The following GLI2 variants were observed in gnomAD, a reference collection of about 807,000 sequenced individuals.
GLI2 encodes GLI family zinc finger 2.
In GLI2, 22 loss-of-function variants were observed where a neutral mutation model predicts 78.9. The ratio of observed to expected loss-of-function variants is 0.28; its 90% CI spans 0.20 to 0.40. GLI2 has a LOEUF of 0.40. Ranked by LOEUF, GLI2 falls within the 10% of genes least tolerant of loss-of-function variation. The pLI, the probability that GLI2 is intolerant of heterozygous loss-of-function variation, is 1.00. For synonymous variants in GLI2, 974 were observed against 963.7 expected (o/e 1.01, Z -0.20); for missense variants, 2,097 against 2,213.2 (o/e 0.95, Z 1.05).
At chr2:120,754,246 A>G (rs1330977269) in intron 1 of GLI2, among the ~76,000 whole-genome samples, 3 of 152,204 alleles carry the variant, frequency 2.0e-5, no homozygotes, top group Admixed American at 2.0e-4. Context: ...ATCAACAGGG[A>G]GTGTTATCAA....
At chr2:120,951,158 C>T (rs1193277719) in intron 3 of GLI2, 85 bp from the exon 4 acceptor site, 2 of 809,206 alleles carry the variant, frequency 2.5e-6, no homozygotes, top group African/African-American at 1.7e-5. Flanking sequence ...CCAGGAGAGA[C>T]AAGGACTGTC....
At chr2:120,864,695 C>T (rs560079690) in intron 2 of GLI2, among the ~76,000 whole-genome samples, 3 of 152,326 alleles carry the variant, frequency 2.0e-5, no homozygotes, top group African/African-American at 7.2e-5. Context: ...AATCCACCCA[C>T]GTTGGCCTCC....
chr2:120,968,973 G>A (rs1682003706), intron 6 of GLI2, 58 bp downstream of exon 6: 1 of 1,372,786 alleles, frequency 7.3e-7, no homozygotes, highest in Non-Finnish European at 1.0e-6. Flanking sequence ...GGGCCCGGTG[G>A]GGAGGCGCTG....
In GLI2 at chr2:120,989,207, G is replaced by A. The variant is rs750745447; in HGVS notation, c.3242G>A (p.Arg1081Lys). The A allele has an allele frequency of 6.2e-7, 1 of 1,613,222 alleles. No individual in the cohort carries two copies. Among genetic ancestry groups the A allele is most frequent in the South Asian group, 1.1e-5 (1 of 91,088 alleles). ...TESTGFSDNPRLPSPGLHGQR... is the reference protein window; with the variant it reads ...TESTGFSDNPKLPSPGLHGQR... ...AGCACTGGCTTCTCTGACAACCCCA[G>A]ACTACCCAGCCCGGGGCTGCACGGC... The change falls in exon 14 of 14, where the codon AGA becomes AAA. Residue 1081 changes from arginine to lysine, a missense_variant. Arg to Lys is a conservative substitution (Grantham distance 26). Transcript: ENST00000361492.
chr2:120,932,189 A>C (rs1470693650), intron 3 of GLI2, among the ~76,000 whole-genome samples: 1 of 152,196 alleles, frequency 6.6e-6, no homozygotes, highest in African/African-American at 2.4e-5. Context: ...CCCTGCCAGC[A>C]CCAAATGTGT....
intron 2 of GLI2, among the ~76,000 whole-genome samples, chr2:120,848,363 C>A (rs1197352953): frequency 6.6e-6 from 1 of 152,186 alleles, no homozygotes; most frequent in Non-Finnish European, 1.5e-5. Flanking sequence ...TCTTATCACA[C>A]CAGGAGACCG....
chr2:120,743,468 A>AAT (rs1682612005), intron 1 of GLI2, among the ~76,000 whole-genome samples: 2 of 152,140 alleles, frequency 1.3e-5, no homozygotes, highest in South Asian at 4.1e-4. Flanking sequence ...AAAAGAAATC[A>AAT]TCTTAAGAGC....
chr2:120,750,556 G>T (rs901374900), intron 1 of GLI2, among the ~76,000 whole-genome samples: 1 of 152,222 alleles, frequency 6.6e-6, no homozygotes, highest in Non-Finnish European at 1.5e-5. Context: ...ATTACCTGGC[G>T]CATAGTAAGC....
chr2:120,828,355 C>T (rs1345881760), intron 2 of GLI2, among the ~76,000 whole-genome samples: 3 of 152,234 alleles, frequency 2.0e-5, no homozygotes, highest in Non-Finnish European at 2.9e-5. Flanking sequence ...CGAGGACATT[C>T]GAGCTCTCAA....
chr2:120,770,983 T>G (rs1337695061), intron 1 of GLI2, among the ~76,000 whole-genome samples: 4 of 152,174 alleles, frequency 2.6e-5, no homozygotes, highest in Admixed American at 2.6e-4. Context: ...TTTGCCCCAC[T>G]TGCCCAGGCC....
intron 2 of GLI2, among the ~76,000 whole-genome samples, chr2:120,816,863 G>T (rs1303869671): frequency 6.6e-6 from 1 of 152,206 alleles, no homozygotes; most frequent in Admixed American, 6.5e-5. Flanking sequence ...TAATTTGGAT[G>T]TTCTTTGATG....
chr2:120,904,648 C>T lies in GLI2; in HGVS notation c.149-22713C>T, dbSNP rs184354933. Reference sequence around the variant, plus strand: ...CAGGAGGAGGCGCAGCTGTTCTCAACGCCCCCTGCCCGATGGAATCCACTG... The same window carrying T: ...CAGGAGGAGGCGCAGCTGTTCTCAATGCCCCCTGCCCGATGGAATCCACTG... On this transcript the variant is annotated intron_variant, in intron 2 of 13. Transcript: ENST00000361492. Among the ~76,000 whole-genome samples the T allele has an allele frequency of 5.9e-5, 9 of 152,308 alleles. No homozygotes were observed. In the East Asian group the frequency reaches 1.5e-3, roughly 26 times the overall value.
At chr2:120,750,947 T>C (rs899440645) in intron 1 of GLI2, among the ~76,000 whole-genome samples, 6 of 152,260 alleles carry the variant, frequency 3.9e-5, no homozygotes, top group Admixed American at 1.3e-4. Flanking sequence ...GCCTCTACCT[T>C]GCTCTGCAGA....
intron 9 of GLI2, among the ~76,000 whole-genome samples, chr2:120,976,203 CAT>C (rs1191409840): frequency 1.3e-5 from 2 of 152,222 alleles, no homozygotes; most frequent in Non-Finnish European, 2.9e-5. Context: ...CACACACACA[CAT>C]GCACGCGTCT....
chr2:120,757,787 G>A (rs1028663654), intron 1 of GLI2, among the ~76,000 whole-genome samples: 4 of 152,278 alleles, frequency 2.6e-5, no homozygotes, highest in Non-Finnish European at 4.4e-5. Context: ...TCCCTGTGCC[G>A]TGGCCTGGAA....
chr2:120,773,810 C>T (rs1481020737), intron 1 of GLI2, among the ~76,000 whole-genome samples: 2 of 151,984 alleles, frequency 1.3e-5, no homozygotes, highest in Non-Finnish European at 2.9e-5. Flanking sequence ...TGTGCTTCAG[C>T]GGTGTTGGAG....
rs762978014 is a variant in GLI2 at position 120,989,007 on chromosome 2, C to T, written c.3042C>T (p.Ile1014=). 1.3e-6 allele frequency: 2 copies of T among 1,599,176 alleles called. No homozygotes were observed. The highest frequency in any genetic ancestry group is 2.2e-5 in the South Asian group (2 of 90,506). Residue 1014 remains isoleucine (I), a synonymous_variant, in exon 14 of 14, where the codon ATC becomes ATT. Coordinates refer to ENST00000361492, the MANE Select transcript of GLI2 (RefSeq NM_001374353.1). ...CCTACTCGCCCCGGCCGCCTAGCATCAGCGAGAACGTGGCGATGGAGGCCG... is the reference window on the plus strand; with the variant it reads ...CCTACTCGCCCCGGCCGCCTAGCATTAGCGAGAACGTGGCGATGGAGGCCG... ...RGAYSPRPPS[I]SENVAMEAVA... is the part of the protein sequence containing the mutation.
chr2:120,896,701 A>T (rs1048258358), intron 2 of GLI2, among the ~76,000 whole-genome samples: 1 of 39,746 alleles, frequency 2.5e-5, no homozygotes, highest in South Asian at 1.2e-3. Flanking sequence ...ACCCATACAC[A>T]CACACACACA....
At position 120,827,854 on chromosome 2, in the gene GLI2, G is replaced by A. The variant is rs1686164775; in HGVS notation, c.148+30386G>A. Among the ~76,000 whole-genome samples, 3 of 152,182 alleles carry A rather than the reference G, an allele frequency of 2.0e-5. 1 individual carries two copies. The highest frequency in any genetic ancestry group is 2.0e-4 in the Admixed American group (3 of 15,282). ...CAGAATCGTAGAGACAGAAAGCAGA[G>A]TTGTGATTGCCAGGGGCCGGAGGGA... On this transcript the variant is annotated intron_variant, in intron 2 of 13. Transcript: ENST00000361492.
Sources: allele counts gnomAD v4.1 joint callset (sites outside exome capture counted in the v4.1 genomes callset), GRCh38; gene constraint gnomAD v4.1.1; transcripts MANE v1.5; gene names NCBI Gene and HGNC (gene_info 2026-07-23, HGNC 2026-07-21).